The following SPOCK3 variants were observed in gnomAD, a reference collection of about 807,000 sequenced individuals.
SPOCK3 encodes SPARC (osteonectin), cwcv and kazal like domains proteoglycan 3, also known as testican-3.
In SPOCK3, 30 loss-of-function variants were observed where a neutral mutation model predicts 56.6. That is an observed-to-expected ratio of 0.53 (90% CI 0.40 to 0.72). The LOEUF is 0.72. Ranked by LOEUF, SPOCK3 falls within the 30% of genes least tolerant of loss-of-function variation. The pLI is 0.00. For missense variants in SPOCK3, 527 were observed against 530.0 expected (o/e 0.99, Z 0.06); for synonymous variants, 196 against 183.3 (o/e 1.07, Z -0.56).
chr4:167,018,440 C>T (rs2150157147), intron 3 of SPOCK3, among the ~76,000 whole-genome samples: 1 of 152,112 alleles, frequency 6.6e-6, no homozygotes. Flanking sequence ...TGTCTTCTTC[C>T]CATACCCTCC....
intron 3 of SPOCK3, among the ~76,000 whole-genome samples, chr4:167,031,870 T>G (rs921664252): frequency 1.3e-5 from 2 of 152,008 alleles, no homozygotes; most frequent in African/African-American, 4.8e-5. Context: ...CCATTCAAAT[T>G]CAGTTCTTTA....
intron 4 of SPOCK3, among the ~76,000 whole-genome samples, chr4:166,963,892 C>G (rs1344161059): frequency 2.0e-5 from 3 of 151,762 alleles, no homozygotes; most frequent in South Asian, 4.1e-4. Flanking sequence ...GTCAGTGGGT[C>G]AAACACCTTG....
intron 4 of SPOCK3, among the ~76,000 whole-genome samples, chr4:166,915,926 T>C (rs1737798710): frequency 6.6e-6 from 1 of 152,152 alleles, no homozygotes; most frequent in Admixed American, 6.6e-5. Flanking sequence ...AAACCTAAGC[T>C]GGCTGAAAAA....
chr4:167,032,993 T>C (rs1752417091), intron 3 of SPOCK3, among the ~76,000 whole-genome samples: 1 of 151,998 alleles, frequency 6.6e-6, no homozygotes, highest in South Asian at 2.1e-4. Flanking sequence ...ACTAATGGCT[T>C]TGTTTCTTAA....
chr4:167,057,340 T>A lies in SPOCK3; in HGVS notation c.235+5152A>T, dbSNP rs537170360. Among the ~76,000 whole-genome samples the A allele has an allele frequency of 3.6e-4, 55 of 152,188 alleles. No individual in the cohort carries two copies. In the East Asian group the frequency reaches 0.01, roughly 28 times the overall value. ...CCAGCCACTGCAAAATCATGCCAAA[T>A]TGTAAAGACCATCGAGGCTAGGAAG... On this transcript the variant is annotated intron_variant, in intron 3 of 10. Coordinates refer to ENST00000357545, the MANE Select transcript of SPOCK3 (RefSeq NM_001040159.2).
At chr4:166,825,159 A>G (rs1332060264) in intron 6 of SPOCK3, among the ~76,000 whole-genome samples, 2 of 152,100 alleles carry the variant, frequency 1.3e-5, no homozygotes, top group Non-Finnish European at 1.5e-5. Context: ...GGTACCTAAG[A>G]AAATAATCCA....
At position 166,733,885 on chromosome 4, in the gene SPOCK3, A is replaced by G. The variant is rs767660144; in HGVS notation, c.*1036T>C. On this transcript the variant is annotated 3_prime_UTR_variant, in exon 11 of 11. Transcript: ENST00000357545. ...ATCTGTTAATTAGGTGTGCTTATAT[A>G]TTGCGTAATATACTATATTGGTATG... 2.6e-5 allele frequency: 4 copies of G among 152,238 alleles called. No homozygotes were observed. Among genetic ancestry groups the G allele is most frequent in the Non-Finnish European group, 5.9e-5 (4 of 67,764 alleles). The allele number at this position is 152,238 out of a possible 1,614,324, so 9.4% of individuals were successfully genotyped here.
chr4:167,162,675 G>A (rs1397049679), intron 2 of SPOCK3, among the ~76,000 whole-genome samples: 1 of 151,968 alleles, frequency 6.6e-6, no homozygotes, highest in African/African-American at 2.4e-5. Flanking sequence ...CTGCAGCTGG[G>A]ATATAATTAT....
chr4:167,205,380 A>AT (rs563395455), intron 2 of SPOCK3, among the ~76,000 whole-genome samples: 96 of 38,344 alleles, frequency 2.5e-3, no homozygotes, highest in Non-Finnish European at 3.5e-3. Flanking sequence ...TTATATATAT[A>AT]ATATATATAT....
rs138329494 is a variant in SPOCK3 at position 166,924,965 on chromosome 4, T to C, written c.351-12222A>G. ...AAAGTAACACTAGCATTATTTAGGA[T>C]TGGGGTTCCCTGGGGTACTTTAATC... On this transcript the variant is annotated intron_variant, in intron 4 of 10. Transcript: ENST00000357545. 3.9e-3 allele frequency among the ~76,000 whole-genome samples: 596 copies of C among 152,320 alleles called. 3 individuals are homozygous for C. The highest frequency in any genetic ancestry group is 6.8e-3 in the Non-Finnish European group (462 of 68,022).
intron 5 of SPOCK3, among the ~76,000 whole-genome samples, chr4:166,903,744 C>T (rs1736319371): frequency 6.6e-6 from 1 of 151,984 alleles, no homozygotes; most frequent in Non-Finnish European, 1.5e-5. Flanking sequence ...GATACAAAAA[C>T]ATACTTAATC....
intron 2 of SPOCK3, chr4:167,083,141 G>A: frequency 3.9e-6 from 3 of 763,030 alleles, no homozygotes; most frequent in Admixed American, 3.4e-5. Context: ...CAGCTTTATG[G>A]TTGCCCTAGG....
At chr4:167,091,484 A>C (rs949041714) in intron 2 of SPOCK3, among the ~76,000 whole-genome samples, 1 of 152,168 alleles carries the variant, frequency 6.6e-6, no homozygotes, top group African/African-American at 2.4e-5. Flanking sequence ...TTTTAAAAAT[A>C]TGTAAAATCA....
chr4:167,040,138 C>G (rs573293927), intron 3 of SPOCK3, among the ~76,000 whole-genome samples: 6 of 152,232 alleles, frequency 3.9e-5, no homozygotes, highest in Non-Finnish European at 8.8e-5. Flanking sequence ...AATATACTGC[C>G]TCCTATCTTG....
intron 4 of SPOCK3, among the ~76,000 whole-genome samples, chr4:166,978,407 G>T (rs757281018): frequency 6.6e-6 from 1 of 152,022 alleles, no homozygotes; most frequent in Non-Finnish European, 1.5e-5. Flanking sequence ...TGAACAAGAT[G>T]GTATTGGGAA....
chr4:167,012,870 T>C (rs1750226946), intron 3 of SPOCK3, among the ~76,000 whole-genome samples: 1 of 152,004 alleles, frequency 6.6e-6, no homozygotes, highest in Admixed American at 6.6e-5. Flanking sequence ...GAAGTGGTTT[T>C]CTTGGGATTT....
intron 3 of SPOCK3, among the ~76,000 whole-genome samples, chr4:167,045,729 C>A (rs964380749): frequency 6.6e-6 from 1 of 152,042 alleles, no homozygotes; most frequent in African/African-American, 2.4e-5. Context: ...CTTTCCATAA[C>A]TTTGCTGTCA....
intron 4 of SPOCK3, among the ~76,000 whole-genome samples, chr4:166,917,197 A>G (rs1367038508): frequency 6.6e-6 from 1 of 152,216 alleles, no homozygotes; most frequent in Non-Finnish European, 1.5e-5. Context: ...CATAAAAATA[A>G]ATGGTATAAC....
At chr4:167,175,180 G>C (rs1730874023) in intron 2 of SPOCK3, among the ~76,000 whole-genome samples, 1 of 152,024 alleles carries the variant, frequency 6.6e-6, no homozygotes, top group Admixed American at 6.6e-5. Context: ...AATTATAAAA[G>C]GGAGTTGTTT....
Sources: gnomAD v4.1 joint callset for allele counts (sites outside exome capture counted in the v4.1 genomes callset) on GRCh38, gnomAD v4.1.1 for gene constraint, MANE v1.5 for transcripts, NCBI Gene and HGNC (gene_info 2026-07-23, HGNC 2026-07-21) for gene names.